Variants in ACBD6 observed in about 807,000 individuals in gnomAD.
ACBD6 encodes acyl-CoA binding domain containing 6, also known as acyl-CoA-binding domain-containing protein 6.
A neutral mutation model predicts 37.2 loss-of-function variants in ACBD6; 28 were observed. The observed-to-expected ratio is 0.75, with a 90% confidence interval of 0.56 to 1.03. ACBD6 has a LOEUF of 1.03. ACBD6 is among the 50% of genes least tolerant of loss of function. The probability of loss-of-function intolerance (pLI) is 0.00; values close to 1 mark genes in which losing one functional copy is unlikely to be tolerated. For missense variants in ACBD6, 340 were observed against 337.4 expected (o/e 1.01, Z -0.06); for synonymous variants, 113 against 126.8 (o/e 0.89, Z 0.73).
chr1:180,385,676 C>T (rs375092527), intron 6 of ACBD6, among the ~76,000 whole-genome samples: 2 of 152,026 alleles, frequency 1.3e-5, no homozygotes, highest in South Asian at 2.1e-4. Context: ...AGGAAAGGCC[C>T]GTGAGGACCC....
chr1:180,366,809 A>C (rs1046593922), intron 6 of ACBD6, among the ~76,000 whole-genome samples: 3 of 152,234 alleles, frequency 2.0e-5, no homozygotes, highest in African/African-American at 7.2e-5. Flanking sequence ...AGAAGATATG[A>C]GGAACTTATT....
chr1:180,338,963 A>C (rs1651858275), intron 6 of ACBD6, among the ~76,000 whole-genome samples: 1 of 152,234 alleles, frequency 6.6e-6, no homozygotes, highest in African/African-American at 2.4e-5. Context: ...GAGAAATGCA[A>C]ATCAAAACCA....
rs983776294 is a variant in ACBD6 at position 180,271,175 on chromosome 1, C to G, written c.*2050G>C. Reference sequence around the variant, plus strand: ...AGCAGAGAAAGGACTGCTGTCCTCACTTTTCAGTGGCTTGGGAAGGCCCGT... The same window carrying G: ...AGCAGAGAAAGGACTGCTGTCCTCAGTTTTCAGTGGCTTGGGAAGGCCCGT... On this transcript the variant is annotated 3_prime_UTR_variant, in exon 14 of 14. Transcript: ENST00000642319. 5 of 643,470 alleles carry G rather than the reference C, an allele frequency of 7.8e-6. No individual in the cohort carries two copies. The South Asian group carries it at 8.7e-5, about 11-fold the overall frequency. 39.9% of individuals were successfully genotyped at this position (643,470 alleles called of 1,614,324 possible).
At chr1:180,376,093 CT>C (rs1441010940) in intron 6 of ACBD6, among the ~76,000 whole-genome samples, 3 of 152,130 alleles carry the variant, frequency 2.0e-5, no homozygotes, top group African/African-American at 7.2e-5. Flanking sequence ...TAAGAACTCA[CT>C]CATAATTAGA....
At chr1:180,403,260 G>C (rs1326556842) in intron 5 of ACBD6, among the ~76,000 whole-genome samples, 1 of 152,160 alleles carries the variant, frequency 6.6e-6, no homozygotes, top group Non-Finnish European at 1.5e-5. Flanking sequence ...ATCTTGATAG[G>C]CACTTCAGTT....
At chr1:180,430,449 A>G (rs1648767764) in intron 3 of ACBD6, among the ~76,000 whole-genome samples, 187 bp from the exon 4 acceptor site, 1 of 152,202 alleles carries the variant, frequency 6.6e-6, no homozygotes, top group Non-Finnish European at 1.5e-5. Flanking sequence ...TCATCACAGG[A>G]GTGGAATGGG....
intron 6 of ACBD6, among the ~76,000 whole-genome samples, chr1:180,351,280 G>A (rs889120646): frequency 8.0e-5 from 10 of 125,260 alleles, no homozygotes; most frequent in African/African-American, 2.9e-4. Flanking sequence ...CAGATATTAC[G>A]TTTTTTTTTT....
At chr1:180,435,808 C>A in intron 3 of ACBD6, 1 of 968,244 alleles carries the variant, frequency 1.0e-6, no homozygotes, top group Non-Finnish European at 1.7e-6. Context: ...AAGTGAATAA[C>A]TCCAGCCTGA....
At chr1:180,289,756 TCA>T (rs770175383) in intron 7 of ACBD6, among the ~76,000 whole-genome samples, 1 of 152,142 alleles carries the variant, frequency 6.6e-6, no homozygotes, top group Non-Finnish European at 1.5e-5. Flanking sequence ...AACTATAGCT[TCA>T]CACAACATGG....
chr1:180,394,435 G>T (rs1654188862), intron 6 of ACBD6, among the ~76,000 whole-genome samples: 2 of 151,850 alleles, frequency 1.3e-5, no homozygotes, highest in Admixed American at 1.3e-4. Context: ...GGTAATAGTG[G>T]TTGGGGAAAG....
intron 3 of ACBD6, among the ~76,000 whole-genome samples, chr1:180,439,479 T>C (rs963605112): frequency 1.3e-5 from 2 of 152,004 alleles, no homozygotes; most frequent in Admixed American, 6.5e-5. Flanking sequence ...TAGTCCCAGT[T>C]ACTCAGGAGG....
intron 4 of ACBD6, among the ~76,000 whole-genome samples, chr1:180,427,675 C>G (rs1199044716): frequency 1.3e-5 from 2 of 152,120 alleles, no homozygotes; most frequent in Non-Finnish European, 2.9e-5. Context: ...GTAATCCCAG[C>G]ACTTTGGGGA....
intron 3 of ACBD6, among the ~76,000 whole-genome samples, chr1:180,462,950 A>G (rs555681745): frequency 6.6e-6 from 1 of 152,348 alleles, no homozygotes; most frequent in African/African-American, 2.4e-5. Context: ...AATTACATGG[A>G]AATTAAATAC....
intron 3 of ACBD6, among the ~76,000 whole-genome samples, chr1:180,449,274 A>G (rs1406444937): frequency 6.6e-6 from 1 of 152,186 alleles, no homozygotes. Flanking sequence ...CCCAACTTCT[A>G]AAGCAGAATT....
chr1:180,302,433 G>A (rs1046477083), intron 7 of ACBD6, among the ~76,000 whole-genome samples: 12 of 151,682 alleles, frequency 7.9e-5, no homozygotes, highest in Non-Finnish European at 1.2e-4. Flanking sequence ...AGGATAGTTC[G>A]CTCTTCCTGT....
At chr1:180,331,415 T>A (rs1651475407) in intron 6 of ACBD6, among the ~76,000 whole-genome samples, 1 of 152,222 alleles carries the variant, frequency 6.6e-6, no homozygotes, top group Non-Finnish European at 1.5e-5. Flanking sequence ...GTCAATATCC[T>A]AATATGGTAT....
At chr1:180,500,463 C>G (rs1651916777) in intron 1 of ACBD6, among the ~76,000 whole-genome samples, 2 of 152,166 alleles carry the variant, frequency 1.3e-5, no homozygotes, top group South Asian at 2.1e-4. Flanking sequence ...GAGGCCAAGG[C>G]AGGCAGATCA....
chr1:180,334,343 C>T (rs1023458138), intron 6 of ACBD6, among the ~76,000 whole-genome samples: 3 of 152,170 alleles, frequency 2.0e-5, no homozygotes, highest in Non-Finnish European at 2.9e-5. Flanking sequence ...CAGGCAGCAA[C>T]ATTTGCTGTT....
chr1:180,352,996 G>C (rs1652472213), intron 6 of ACBD6, among the ~76,000 whole-genome samples: 1 of 152,154 alleles, frequency 6.6e-6, no homozygotes, highest in Non-Finnish European at 1.5e-5. Flanking sequence ...TTCTCAGCTT[G>C]TCACTTTCTC....
Sources: gnomAD v4.1 joint callset for allele counts (sites outside exome capture counted in the v4.1 genomes callset) on GRCh38, gnomAD v4.1.1 for gene constraint, MANE v1.5 for transcripts, NCBI Gene and HGNC (gene_info 2026-07-23, HGNC 2026-07-21) for gene names.